Variants in PPP1R37 observed in about 807,000 individuals in gnomAD.
PPP1R37 encodes the protein protein phosphatase 1 regulatory subunit 37.
In PPP1R37, 21 loss-of-function variants were observed where a neutral mutation model predicts 61.0. The observed-to-expected ratio is 0.34, with a 90% confidence interval of 0.24 to 0.50. The LOEUF is 0.50. PPP1R37 is among the 20% of genes least tolerant of loss of function. PPP1R37 has a pLI of 0.98. For synonymous variants in PPP1R37, 443 were observed against 433.5 expected, an observed-to-expected ratio of 1.02 and a Z score of -0.27; for missense variants, 910 against 952.7, an observed-to-expected ratio of 0.96 and a Z score of 0.59.
chr19:45,143,836 CCTT>C (rs1968646473), intron 8 of PPP1R37: 4 of 461,544 alleles, frequency 8.7e-6, no homozygotes, highest in Admixed American at 3.8e-5. Context: ...TTCATTATCT[CCTT>C]TTTTTTTTTG....
Position 45,139,360 on chromosome 19 carries a change from G to A in PPP1R37, c.300+749G>A, listed in dbSNP as rs10402380. 3.7e-3 allele frequency among the ~76,000 whole-genome samples: 568 copies of A among 152,364 alleles called. 2 individuals are homozygous for A. Among genetic ancestry groups the A allele is most frequent in the African/African-American group, 0.013 (550 of 41,584 alleles). On this transcript the variant is annotated intron_variant, in intron 2 of 12. Coordinates refer to ENST00000221462, the MANE Select transcript of PPP1R37 (RefSeq NM_019121.2). ...CGGGAACCCCCGTTGTTGGCCACTC[G>A]GCATTTCCTGGCCTTTTCTGTGCGT...
At chr19:45,139,423 C>T (rs1475624050) in intron 2 of PPP1R37, among the ~76,000 whole-genome samples, 1 of 152,232 alleles carries the variant, frequency 6.6e-6, no homozygotes, top group East Asian at 1.9e-4. Flanking sequence ...GCTGGTTTTC[C>T]ATTTGGTCGC....
At chr19:45,102,101 G>C (rs1968071957) in intron 1 of PPP1R37, among the ~76,000 whole-genome samples, 1 of 152,240 alleles carries the variant, frequency 6.6e-6, no homozygotes, top group African/African-American at 2.4e-5. Flanking sequence ...TGTGGGCTGT[G>C]AAGTCCGGTG....
chr19:45,126,516 A>G (rs1968407066), intron 1 of PPP1R37, among the ~76,000 whole-genome samples: 1 of 152,028 alleles, frequency 6.6e-6, no homozygotes, highest in Admixed American at 6.5e-5. Context: ...GTGGTTATTT[A>G]TTGTCGTGAA....
Position 45,145,207 on chromosome 19 carries a change from G to C in PPP1R37, c.1243G>C (p.Val415Leu). 1 of 1,535,234 alleles carries C rather than the reference G, an allele frequency of 6.5e-7. No individual in the cohort carries two copies. Among genetic ancestry groups the C allele is most frequent in the Non-Finnish European group, 8.7e-7 (1 of 1,146,504 alleles). ...GLMALSLALK[V>L]NHSLLRLDLD... ...CATGGCACTGTCGTTGGCCCTCAAG[G>C]TGAACCACTCACTGCTGCGCCTGGA... The change falls in exon 10 of 13, where the codon GTG becomes CTG. Residue 415 changes from valine (V) to leucine (L), a missense_variant. Val to Leu is a conservative substitution (Grantham distance 32). Coordinates refer to ENST00000221462, the MANE Select transcript of PPP1R37 (RefSeq NM_019121.2).
In PPP1R37 at chr19:45,145,797, G is replaced by A; in HGVS notation, c.1741G>A (p.Ala581Thr). 6.7e-7 allele frequency: 1 copy of A among 1,500,822 alleles called. No individual in the cohort carries two copies. Among genetic ancestry groups the A allele is most frequent in the Non-Finnish European group, 8.9e-7 (1 of 1,128,340 alleles). The allele number at this position is 1,500,822 out of a possible 1,614,324, so 93.0% of individuals were successfully genotyped here. The change falls in exon 11 of 13, where the codon GCA (alanine) becomes ACA (threonine). Residue 581 changes from alanine (A) to threonine (T), a missense_variant. Ala to Thr is a moderately conservative substitution (Grantham distance 58). Transcript: ENST00000221462. ...CCGGGTGGAGAGCCCGCCCGAGAGG[G>A]CAGAGCCCCCTGCGTCCCCCACCCC... Reference protein sequence around the residue: ...VTRVESPPERAEPPASPTPPS... With the variant: ...VTRVESPPERTEPPASPTPPS...
chr19:45,145,893 C>A lies in PPP1R37; in HGVS notation c.1837C>A (p.Arg613=). 1 of 1,533,360 alleles carries A rather than the reference C, an allele frequency of 6.5e-7. No homozygotes were observed. The highest frequency in any genetic ancestry group is 2.5e-5 in the East Asian group (1 of 40,812). The allele number at this position is 1,533,360 out of a possible 1,614,324, so 95.0% of individuals were successfully genotyped here. The stretch of plus-strand genomic sequence containing the variant: ...ACCACCAGCCGGGGCCATTGACACC[C>A]GGGACACAGGGTCCTCTGAGCCTCA... ...SLPPAGAIDT[R]DTGSSEPQPP... Residue 613 remains arginine, a synonymous_variant, in exon 11 of 13, where the codon CGG becomes AGG. Transcript: ENST00000221462.
chr19:45,112,736 C>T (rs139876555), intron 1 of PPP1R37, among the ~76,000 whole-genome samples: 3 of 152,298 alleles, frequency 2.0e-5, no homozygotes, highest in South Asian at 4.1e-4. Context: ...CCGACTGGAC[C>T]AGGACTCCTG....
chr19:45,118,015 G>C (rs1309902959), intron 1 of PPP1R37, among the ~76,000 whole-genome samples: 1 of 152,216 alleles, frequency 6.6e-6, no homozygotes, highest in Non-Finnish European at 1.5e-5. Flanking sequence ...TTGTTCACTG[G>C]GAAGAAGAAC....
intron 1 of PPP1R37, among the ~76,000 whole-genome samples, chr19:45,124,807 GA>G (rs35150714): frequency 0.037 from 5,274 of 142,536 alleles, 313 homozygotes; most frequent in African/African-American, 0.13. Flanking sequence ...CATAAAAAAA[GA>G]AAAAAAAAAA....
At position 45,093,311 on chromosome 19, in the gene PPP1R37, G is replaced by T; in HGVS notation, c.-15G>T. 1 of 1,405,902 alleles carries T rather than the reference G, an allele frequency of 7.1e-7. No homozygotes were observed. Among genetic ancestry groups the T allele is most frequent in the South Asian group, 1.5e-5 (1 of 65,270 alleles). The allele number at this position is 1,405,902 out of a possible 1,614,324, so 87.1% of individuals were successfully genotyped here. On this transcript the variant is annotated 5_prime_UTR_variant, in exon 1 of 13. Coordinates refer to ENST00000221462, the MANE Select transcript of PPP1R37 (RefSeq NM_019121.2). Reference sequence around the variant, plus strand: ...GGCATGTCCCCGGGGCCCCCGTGAGGAGGCGGCGGCGGCTATGGAGATCGC... The same window carrying T: ...GGCATGTCCCCGGGGCCCCCGTGAGTAGGCGGCGGCGGCTATGGAGATCGC...
At chr19:45,118,684 G>A (rs1225430948) in intron 1 of PPP1R37, among the ~76,000 whole-genome samples, 3 of 152,162 alleles carry the variant, frequency 2.0e-5, no homozygotes, top group Non-Finnish European at 2.9e-5. Context: ...ACCCCTCACC[G>A]TGTACCTCAG....
At chr19:45,098,161 C>A (rs563490683) in intron 1 of PPP1R37, among the ~76,000 whole-genome samples, 19 of 152,132 alleles carry the variant, frequency 1.2e-4, no homozygotes, top group Non-Finnish European at 4.4e-5. Flanking sequence ...GGCTGGGAAT[C>A]GTGAGTGAAA....
At chr19:45,140,680 C>A in intron 4 of PPP1R37, 74 bp downstream of exon 4, 2 of 1,157,460 alleles carry the variant, frequency 1.7e-6, no homozygotes, top group Non-Finnish European at 2.5e-6. Context: ...GGGGAGAGGA[C>A]ACTGCAGGAG....
In PPP1R37 at chr19:45,118,078, C is replaced by T. The variant is rs574191889; in HGVS notation, c.203-20436C>T. Among the ~76,000 whole-genome samples the T allele has an allele frequency of 2.6e-5, 4 of 152,360 alleles. No individual in the cohort carries two copies. The South Asian group carries it at 8.3e-4, about 32-fold the overall frequency. On this transcript the variant is annotated intron_variant, in intron 1 of 12. Coordinates refer to ENST00000221462, the MANE Select transcript of PPP1R37 (RefSeq NM_019121.2). ...CAAGGAGTCACAGGCAGAGGTTTTTCCGAACAGGCTCAGCAGCCAGAAGTC... is the reference window on the plus strand; with the variant it reads ...CAAGGAGTCACAGGCAGAGGTTTTTTCGAACAGGCTCAGCAGCCAGAAGTC...
chr19:45,132,769 A>G (rs1337405804), intron 1 of PPP1R37, among the ~76,000 whole-genome samples: 6 of 151,664 alleles, frequency 4.0e-5, no homozygotes, highest in Non-Finnish European at 4.4e-5. Flanking sequence ...AGGTCTCCCT[A>G]TGTTGCCCAG....
chr19:45,142,076 T>C lies in PPP1R37; in HGVS notation c.583T>C (p.Tyr195His). The change falls in exon 6 of 13, where the codon TAT becomes CAT. Residue 195 changes from tyrosine (Y) to histidine (H), a missense_variant. Tyr to His is a moderately conservative substitution (Grantham distance 83). Around this residue, in one of 3 missense-constraint regions of PPP1R37, gnomAD observed 280 missense variants for 382.2 expected, o/e 0.73. Transcript: ENST00000221462. ...GCCCCTGCAGACGAGCTGCCTGCAG[T>C]ATCTGGACGCCCGCAACACGCCCCT... ...HMMRKTSCLQ[Y>H]LDARNTPLLD... 6.6e-7 allele frequency: 1 copy of C among 1,524,184 alleles called. No individual in the cohort carries two copies. Among genetic ancestry groups the C allele is most frequent in the Non-Finnish European group, 8.8e-7 (1 of 1,140,296 alleles). 94.4% of individuals were successfully genotyped at this position (1,524,184 alleles called of 1,614,324 possible).
intron 1 of PPP1R37, among the ~76,000 whole-genome samples, chr19:45,123,487 C>G (rs1234083221): frequency 6.6e-6 from 1 of 152,246 alleles, no homozygotes; most frequent in Non-Finnish European, 1.5e-5. Flanking sequence ...CTCCCACAAC[C>G]TGTCTGTCCG....
chr19:45,096,741 C>T (rs1044078966), intron 1 of PPP1R37, among the ~76,000 whole-genome samples: 5 of 151,760 alleles, frequency 3.3e-5, no homozygotes, highest in Admixed American at 6.6e-5. Context: ...CTCATTCCAG[C>T]GGTTGAGAGA....
Sources: allele counts gnomAD v4.1 joint callset (sites outside exome capture counted in the v4.1 genomes callset), GRCh38; gene constraint gnomAD v4.1.1; regional missense constraint gnomAD v4.1.1; transcripts MANE v1.5; gene names NCBI Gene and HGNC (gene_info 2026-07-23, HGNC 2026-07-21).